ASRGL1: variants seen among roughly 807,000 people sequenced by gnomAD.
The protein encoded by ASRGL1 is isoaspartyl peptidase/L-asparaginase.
Under a neutral mutation model 22.4 loss-of-function variants are expected in ASRGL1, and 16 were observed. The ratio of observed to expected loss-of-function variants is 0.71; its 90% CI spans 0.48 to 1.08. The LOEUF is 1.08. Ranked by LOEUF, ASRGL1 falls within the 50% of genes least tolerant of loss-of-function variation. The pLI, the probability that ASRGL1 is intolerant of heterozygous loss-of-function variation, is 0.00. For synonymous variants in ASRGL1, 165 were observed against 159.3 expected, an observed-to-expected ratio of 1.04 and a Z score of -0.27; for missense variants, 412 against 410.1, an observed-to-expected ratio of 1.00 and a Z score of -0.04.
At chr11:62,396,639 GCACA>G (rs1468336647), downstream of ASRGL1, among the ~76,000 whole-genome samples, 2 of 152,184 alleles carry the variant, frequency 1.3e-5, no homozygotes, top group Non-Finnish European at 2.9e-5. Flanking sequence ...AGAAAGACCA[GCACA>G]CATGGACAGC....
intron 4 of ASRGL1, among the ~76,000 whole-genome samples, chr11:62,362,470 T>TATATAAAATATATATA (rs1590726837): frequency 8.5e-6 from 1 of 118,218 alleles, no homozygotes; most frequent in East Asian, 2.1e-4. Context: ...ATATATATAT[T>TATATAAAATATATATA]ATATAAAATA....
chr11:62,338,211 G>A, intron 2 of ASRGL1, 44 bp downstream of exon 2: 1 of 1,472,586 alleles, frequency 6.8e-7, no homozygotes, highest in South Asian at 1.4e-5. Context: ...GTCAGGTCAA[G>A]CTCCTTCTTC....
In ASRGL1 at chr11:62,338,805, C is replaced by T. The variant is rs376856527; in HGVS notation, c.190+638C>T. On this transcript the variant is annotated intron_variant, in intron 2 of 6. Coordinates refer to ENST00000415229, the MANE Select transcript of ASRGL1 (RefSeq NM_001083926.2). The stretch of plus-strand genomic sequence containing the variant: ...CAAAAGAAAAAAAAAAAAAGCCAGG[C>T]GTGGTGCTAGGAGCCTGTAACCCCA... 1.3e-3 allele frequency among the ~76,000 whole-genome samples: 203 copies of T among 151,032 alleles called. 1 individual carries two copies. The highest frequency in any genetic ancestry group is 4.2e-3 in the African/African-American group (175 of 41,206).
chr11:62,343,619 T>C (rs1565151918), intron 2 of ASRGL1, among the ~76,000 whole-genome samples: 2 of 149,516 alleles, frequency 1.3e-5, no homozygotes, highest in African/African-American at 4.9e-5. Flanking sequence ...TCCCAGCCAC[T>C]CGGGATGCTG....
At position 62,391,547 on chromosome 11, in the gene ASRGL1, C is replaced by T. The variant is rs1276451220; in HGVS notation, c.636C>T (p.Asp212=). 1.2e-6 allele frequency: 2 copies of T among 1,612,158 alleles called. No individual in the cohort carries two copies. The highest frequency in any genetic ancestry group is 8.5e-7 in the Non-Finnish European group (1 of 1,179,234). The change falls in exon 6 of 7, where the codon GAC becomes GAT. Residue 212 remains aspartate (D), a synonymous_variant. Transcript: ENST00000415229. ...GAGCTGGAGGTTATGCCGACAATGA[C>T]ATCGGAGCCGTCTCAACCACAGGGC... ...CLGAGGYADN[D]IGAVSTTGHG...
downstream of ASRGL1, among the ~76,000 whole-genome samples, chr11:62,397,140 C>A (rs1461304400): frequency 6.6e-6 from 1 of 152,178 alleles, no homozygotes; most frequent in Admixed American, 6.5e-5. Flanking sequence ...AGCGATTCTC[C>A]TGCCTCAGCC....
chr11:62,392,442 G>A lies in ASRGL1; in HGVS notation c.*158G>A, dbSNP rs559903204. The A allele has an allele frequency of 1.0e-4, 91 of 880,606 alleles. No homozygotes were observed. The highest frequency in any genetic ancestry group is 9.1e-4 in the African/African-American group (54 of 59,532). 54.5% of individuals were successfully genotyped at this position (880,606 alleles called of 1,614,324 possible). ...GCATCTGAATGTTTGGTTGTGGGGC[G>A]GGTTCTGAAGCGATGAGAGAAATGC... is the stretch of plus-strand genomic sequence containing the variant. On this transcript the variant is annotated 3_prime_UTR_variant, in exon 7 of 7. Coordinates refer to ENST00000415229, the MANE Select transcript of ASRGL1 (RefSeq NM_001083926.2).
intron 3 of ASRGL1, 135 bp from the exon 4 acceptor site, chr11:62,356,852 A>G (rs1946309097): frequency 6.8e-6 from 8 of 1,176,252 alleles, no homozygotes; most frequent in Non-Finnish European, 9.2e-6. Context: ...AGCATACAGA[A>G]AAGCAAACCA....
intron 2 of ASRGL1, among the ~76,000 whole-genome samples, chr11:62,340,030 G>A (rs1352826175): frequency 1.3e-5 from 2 of 152,070 alleles, no homozygotes; most frequent in African/African-American, 4.8e-5. Flanking sequence ...GGAAAGCTGA[G>A]GTGGGCGGAT....
chr11:62,396,484 T>C (rs957629414), downstream of ASRGL1, among the ~76,000 whole-genome samples: 1 of 152,060 alleles, frequency 6.6e-6, no homozygotes, highest in African/African-American at 2.4e-5. Context: ...CCTAGAAAAA[T>C]TGGAGTTTCC....
At chr11:62,396,487 G>T (rs1316139611), downstream of ASRGL1, among the ~76,000 whole-genome samples, 1 of 152,130 alleles carries the variant, frequency 6.6e-6, no homozygotes, top group Non-Finnish European at 1.5e-5. Flanking sequence ...AGAAAAATTG[G>T]AGTTTCCCCG....
intron 2 of ASRGL1, among the ~76,000 whole-genome samples, chr11:62,341,420 G>T (rs1945860023): frequency 6.6e-6 from 1 of 152,016 alleles, no homozygotes; most frequent in East Asian, 1.9e-4. Flanking sequence ...GGATGGTCTT[G>T]GATCTCCTGA....
At chr11:62,364,085 G>A (rs1946549282) in intron 4 of ASRGL1, among the ~76,000 whole-genome samples, 1 of 150,302 alleles carries the variant, frequency 6.7e-6, no homozygotes, top group African/African-American at 2.4e-5. Flanking sequence ...CTAGAACCCA[G>A]GAGGCGGAGG....
intron 2 of ASRGL1, among the ~76,000 whole-genome samples, chr11:62,350,105 G>A (rs545683794): frequency 2.0e-5 from 3 of 152,110 alleles, no homozygotes; most frequent in Non-Finnish European, 4.4e-5. Context: ...AATGCCTGCC[G>A]CCCAGCAGGT....
intron 4 of ASRGL1, among the ~76,000 whole-genome samples, chr11:62,385,915 G>A (rs1215252212): frequency 1.3e-5 from 2 of 151,942 alleles, no homozygotes; most frequent in Admixed American, 1.3e-4. Context: ...TGTAATTCCT[G>A]CACTTTGGGA....
intron 4 of ASRGL1, chr11:62,372,836 C>T: frequency 6.2e-7 from 1 of 1,602,476 alleles, no homozygotes; most frequent in Non-Finnish European, 8.5e-7. Flanking sequence ...TCTGGGGGGC[C>T]ACCAACACCT....
At chr11:62,362,730 A>T (rs1177490016) in intron 4 of ASRGL1, among the ~76,000 whole-genome samples, 9 of 92,116 alleles carry the variant, frequency 9.8e-5, no homozygotes, top group African/African-American at 3.2e-4. Flanking sequence ...GTTATATATA[A>T]AATATAATAT....
rs756229723 is a variant in ASRGL1 at position 62,389,203 on chromosome 11, G to A, written c.562G>A (p.Gly188Ser). Residue 188 changes from glycine (G) to serine (S), a missense_variant, in exon 5 of 7, where the codon GGT becomes AGT. Transcript: ENST00000415229. ...TGTAGCCTACGCAACCTCCACAGGCGGTATCGTTAATAAAATGGTCGGCCG... is the reference window on the plus strand; with the variant it reads ...TGTAGCCTACGCAACCTCCACAGGCAGTATCGTTAATAAAATGGTCGGCCG... ...GNVAYATSTG[G>S]IVNKMVGRVG... The A allele has an allele frequency of 8.7e-6, 14 of 1,614,134 alleles. 1 individual carries two copies. The highest frequency in any genetic ancestry group is 2.2e-5 in the South Asian group (2 of 91,074).
At chr11:62,370,480 C>T (rs955720144) in intron 4 of ASRGL1, among the ~76,000 whole-genome samples, 1 of 152,122 alleles carries the variant, frequency 6.6e-6, no homozygotes, top group East Asian at 1.9e-4. Context: ...CACAGTAAGC[C>T]TCCATAATTC....
Sources: gnomAD v4.1 joint callset for allele counts (sites outside exome capture counted in the v4.1 genomes callset) on GRCh38, gnomAD v4.1.1 for gene constraint, MANE v1.5 for transcripts, NCBI Gene and HGNC (gene_info 2026-07-23, HGNC 2026-07-21) for gene names.